PLCH2: variants seen among roughly 807,000 people sequenced by gnomAD.
The protein encoded by PLCH2 is phospholipase C eta 2.
In PLCH2, 98 loss-of-function variants were observed where a neutral mutation model predicts 134.7. The ratio of observed to expected loss-of-function variants is 0.73; its 90% CI spans 0.62 to 0.86. PLCH2 has a LOEUF of 0.86. PLCH2 is among the 40% of genes least tolerant of loss of function. The probability of loss-of-function intolerance (pLI) is 0.00; values close to 1 mark genes in which losing one functional copy is unlikely to be tolerated. For synonymous variants in PLCH2, 974 were observed against 827.5 expected, an observed-to-expected ratio of 1.18 and a Z score of -3.04; for missense variants, 1,994 against 1,986.6, an observed-to-expected ratio of 1.00 and a Z score of -0.07.
upstream of PLCH2, among the ~76,000 whole-genome samples, chr1:2,424,889 G>A (rs930919629): frequency 2.0e-5 from 3 of 152,242 alleles, no homozygotes; most frequent in Non-Finnish European, 4.4e-5. Flanking sequence ...GGGAGGCTGA[G>A]GCAGGAGAAT....
chr1:2,455,227 C>T (rs116116561), intron 2 of PLCH2, among the ~76,000 whole-genome samples: 1,603 of 152,300 alleles, frequency 0.011, 29 homozygotes, highest in African/African-American at 0.036. Flanking sequence ...GGAGCTAGGA[C>T]GGGCGGGCAC....
At chr1:2,446,479 C>A (rs1366047424) in intron 2 of PLCH2, among the ~76,000 whole-genome samples, 1 of 152,232 alleles carries the variant, frequency 6.6e-6, no homozygotes, top group African/African-American at 2.4e-5. Context: ...CCCTCCCTCC[C>A]CCCAGCTGCA....
Position 2,486,889 on chromosome 1 carries a change from G to A in PLCH2, c.817-18G>A, listed in dbSNP as rs1449315498. The stretch of plus-strand genomic sequence containing the variant: ...CCAGGGATGGGCTGCCTGGACTCAT[G>A]CCCCTGCTCTGGCCTAGATGGCGGG... On this transcript the variant is annotated intron_variant, in intron 5 of 21. Transcript: ENST00000378486. 6.3e-7 allele frequency: 1 copy of A among 1,586,342 alleles called. No homozygotes were observed. Among genetic ancestry groups the A allele is most frequent in the Non-Finnish European group, 8.6e-7 (1 of 1,165,992 alleles).
At chr1:2,499,584 AG>A (rs1643099411) in intron 19 of PLCH2, 56 bp from the exon 20 acceptor site, 1 of 1,277,936 alleles carries the variant, frequency 7.8e-7, no homozygotes, top group African/African-American at 1.5e-5. Flanking sequence ...GGGGCAGAGC[AG>A]GTGGGGGCCC....
chr1:2,434,237 C>T (rs766076178), intron 2 of PLCH2, among the ~76,000 whole-genome samples: 4 of 152,224 alleles, frequency 2.6e-5, no homozygotes, highest in Non-Finnish European at 5.9e-5. Flanking sequence ...CAGGGGGCAC[C>T]GCGCCTTCCC....
chr1:2,447,807 C>T (rs895357637), intron 2 of PLCH2, among the ~76,000 whole-genome samples: 1 of 152,204 alleles, frequency 6.6e-6, no homozygotes, highest in Non-Finnish European at 1.5e-5. Flanking sequence ...CCTCAGCCCA[C>T]CGGGGACCAG....
At chr1:2,484,647 G>T (rs769474394) in intron 5 of PLCH2, 29 bp downstream of exon 5, 1 of 1,604,542 alleles carries the variant, frequency 6.2e-7, no homozygotes, top group East Asian at 2.2e-5. Flanking sequence ...GTGTTGGGGG[G>T]CCAGCCATCA....
chr1:2,499,190 C>T lies in PLCH2; in HGVS notation c.2541C>T (p.Phe847=). ...VWDHDPIGRD[F]IGQRTLAFSS... ...ACCACGATCCCATCGGGCGTGACTT[C>T]ATTGGCCAGAGGACGCTGGCCTTCA... The change falls in exon 19 of 22, where the codon TTC becomes TTT. Residue 847 remains phenylalanine, a synonymous_variant. Coordinates refer to ENST00000378486, the MANE Select transcript of PLCH2 (RefSeq NM_014638.4). The T allele has an allele frequency of 1.2e-6, 2 of 1,613,186 alleles. No individual in the cohort carries two copies. Among genetic ancestry groups the T allele is most frequent in the Non-Finnish European group, 1.7e-6 (2 of 1,179,800 alleles).
At chr1:2,488,732 C>T (rs973703906) in intron 8 of PLCH2, among the ~76,000 whole-genome samples, 4 of 152,248 alleles carry the variant, frequency 2.6e-5, no homozygotes, top group African/African-American at 9.6e-5. Flanking sequence ...TGGTGTGTGC[C>T]AGGCTTATGT....
upstream of PLCH2, among the ~76,000 whole-genome samples, chr1:2,465,465 G>A (rs1049012313): frequency 2.0e-5 from 3 of 152,282 alleles, no homozygotes; most frequent in Admixed American, 1.3e-4. Context: ...AGCTGGCTCT[G>A]CGTCCCTGGA....
chr1:2,429,316 G>C (rs1471035688), intron 1 of PLCH2, among the ~76,000 whole-genome samples: 2 of 152,330 alleles, frequency 1.3e-5, no homozygotes, highest in East Asian at 3.9e-4. Flanking sequence ...ATCTGTGCTG[G>C]GCAGGCTGGG....
At chr1:2,490,867 C>A (rs1642535631) in intron 10 of PLCH2, among the ~76,000 whole-genome samples, 1 of 152,256 alleles carries the variant, frequency 6.6e-6, no homozygotes, top group South Asian at 2.1e-4. Context: ...GAAGTCTGCC[C>A]CTGGCCCTGC....
In PLCH2 at chr1:2,504,308, C is replaced by G. The variant is rs1039375780; in HGVS notation, c.3346C>G (p.Pro1116Ala). Residue 1116 changes from proline to alanine, a missense_variant, in exon 22 of 22, where the codon CCA becomes GCA. Pro to Ala is a conservative substitution (Grantham distance 27, BLOSUM62 -1). Transcript: ENST00000378486. Reference sequence around the variant, plus strand: ...GTGGCGGCCCCTGGCCGCTCCCTTTCCAGCTCCTGCCGTGTACTCCGATGC... The same window carrying G: ...GTGGCGGCCCCTGGCCGCTCCCTTTGCAGCTCCTGCCGTGTACTCCGATGC... The part of the protein sequence containing the change: ...GGWRPLAAPF[P>A]APAVYSDATG... 8.7e-6 allele frequency: 14 copies of G among 1,605,260 alleles called. No individual in the cohort carries two copies. The highest frequency in any genetic ancestry group is 1.2e-5 in the Non-Finnish European group (14 of 1,177,120).
At chr1:2,497,635 C>T (rs759167814) in intron 16 of PLCH2, 26 bp downstream of exon 16, 32 of 1,478,852 alleles carry the variant, frequency 2.2e-5, no homozygotes, top group Admixed American at 7.9e-5. Flanking sequence ...ACTCAGGGCT[C>T]GGACGCTCAG....
At chr1:2,490,001 C>T (rs769762747) in intron 10 of PLCH2, 134 bp downstream of exon 10, 62 of 688,188 alleles carry the variant, frequency 9.0e-5, no homozygotes, top group African/African-American at 5.5e-4. Context: ...ATTCGCACAG[C>T]GGCCTGGGGC....
In PLCH2 at chr1:2,479,826, T is replaced by C. The variant is rs771561067; in HGVS notation, c.364T>C (p.Phe122Leu). 1 of 1,606,894 alleles carries C rather than the reference T, an allele frequency of 6.2e-7. No individual in the cohort carries two copies. Among genetic ancestry groups the C allele is most frequent in the Non-Finnish European group, 8.5e-7 (1 of 1,177,496 alleles). The change falls in exon 3 of 22, where the codon TTC becomes CTC. Residue 122 changes from phenylalanine to leucine, a missense_variant. Transcript: ENST00000378486. ...PDGSFDPNCCFSIYHGSHRES... is the reference protein window; with the variant it reads ...PDGSFDPNCCLSIYHGSHRES... ...CGGCAGCTTCGACCCCAACTGCTGC[T>C]TCAGCATCTACCACGGCAGCCACCG...
rs1437054285 is a variant in PLCH2, at chr1:2,503,528, A to G, written c.2960-394A>G. The G allele has an allele frequency of 4.4e-6, 3 of 681,782 alleles. No individual in the cohort carries two copies. The African/African-American group carries it at 5.3e-5, about 12-fold the overall frequency. 42.2% of individuals were successfully genotyped at this position (681,782 alleles called of 1,614,324 possible). A position where few individuals can be genotyped will look rare whatever the true frequency, so the allele number is the denominator to read the frequency against. ...GTCTCCTTAGCCTGGAGGGAGGGACATACACGGAGCCCGCCCCACACCACC... is the reference window on the plus strand; with the variant it reads ...GTCTCCTTAGCCTGGAGGGAGGGACGTACACGGAGCCCGCCCCACACCACC... On this transcript the variant is annotated intron_variant, in intron 21 of 21. Coordinates refer to ENST00000378486, the MANE Select transcript of PLCH2 (RefSeq NM_014638.4).
chr1:2,456,125 G>T (rs1640479419), intron 2 of PLCH2, among the ~76,000 whole-genome samples: 1 of 152,194 alleles, frequency 6.6e-6, no homozygotes, highest in Non-Finnish European at 1.5e-5. Flanking sequence ...ATGCCGTTTG[G>T]GATGCGGAGC....
At chr1:2,475,681 C>A (rs1641575425), upstream of PLCH2, among the ~76,000 whole-genome samples, 1 of 152,210 alleles carries the variant, frequency 6.6e-6, no homozygotes, top group Non-Finnish European at 1.5e-5. Flanking sequence ...GTGCCCTGGG[C>A]ATGGGGCCAC....
Sources: allele counts gnomAD v4.1 joint callset (sites outside exome capture counted in the v4.1 genomes callset), GRCh38; gene constraint gnomAD v4.1.1; transcripts MANE v1.5; gene names NCBI Gene and HGNC (gene_info 2026-07-23, HGNC 2026-07-21).